Variants in TMEM164 observed in about 807,000 individuals in gnomAD.
TMEM164 encodes RP13-360B22.2.
TMEM164 carries 4 observed loss-of-function variants against 18.8 expected under a neutral mutation model. That is an observed-to-expected ratio of 0.21 (90% CI 0.10 to 0.49). The LOEUF is 0.49. Among genes scored for constraint, TMEM164 ranks in the 20% least tolerant of loss-of-function variants. The probability of loss-of-function intolerance (pLI) is 0.98; values close to 1 mark genes in which losing one functional copy is unlikely to be tolerated. For synonymous variants in TMEM164, 86 were observed against 101.7 expected (o/e 0.85, Z 0.93); for missense variants, 108 against 239.9 (o/e 0.45, Z 3.63).
At chrX:110,025,892 T>C (rs1934162789) in intron 2 of TMEM164, among the ~76,000 whole-genome samples, 1 of 112,515 alleles carries the variant, frequency 8.9e-6, no homozygotes, top group Non-Finnish European at 1.9e-5. Flanking sequence ...GACTTAGATC[T>C]GAGCTCAAAG....
intron 2 of TMEM164, among the ~76,000 whole-genome samples, chrX:110,053,964 C>T (rs143686017): frequency 1.8e-5 from 2 of 111,283 alleles, no homozygotes; most frequent in African/African-American, 3.3e-5. Flanking sequence ...TTTATATGTC[C>T]GATGGTGTGT....
intron 3 of TMEM164, among the ~76,000 whole-genome samples, chrX:110,099,134 C>T (rs1233137671): frequency 9.1e-6 from 1 of 109,672 alleles, no homozygotes; most frequent in Non-Finnish European, 1.9e-5. Context: ...TTTCAGGATT[C>T]TTTATATATT....
At chrX:110,160,092 G>A (rs1015944488) in intron 5 of TMEM164, among the ~76,000 whole-genome samples, 3 of 111,891 alleles carry the variant, frequency 2.7e-5, no homozygotes, top group Admixed American at 9.4e-5. Flanking sequence ...CACAACTCAG[G>A]AGTTCCCCTC....
At chrX:110,109,605 G>A (rs752646860) in intron 4 of TMEM164, among the ~76,000 whole-genome samples, 1 of 112,545 alleles carries the variant, frequency 8.9e-6, no homozygotes, top group Admixed American at 9.4e-5. Flanking sequence ...CAGCTTTCAG[G>A]TGTTCTAAGG....
At chrX:110,105,155 T>TCCTCTCTC (rs2066169330) in intron 3 of TMEM164, among the ~76,000 whole-genome samples, 4 of 75,573 alleles carry the variant, frequency 5.3e-5, no homozygotes, top group Non-Finnish European at 1.0e-4. Context: ...CTCTCTCCCT[T>TCCTCTCTC]CCTTCCTTCC....
intron 4 of TMEM164, among the ~76,000 whole-genome samples, chrX:110,130,339 C>T (rs2066595610): frequency 1.8e-5 from 2 of 111,946 alleles, no homozygotes; most frequent in Non-Finnish European, 3.8e-5. Context: ...TGCCCATTTT[C>T]ATCCTGGCTC....
intron 3 of TMEM164, among the ~76,000 whole-genome samples, chrX:110,086,206 T>A (rs746865353): frequency 1.4e-4 from 16 of 111,915 alleles, no homozygotes; most frequent in Non-Finnish European, 2.8e-4. Flanking sequence ...GGTATTTGAG[T>A]GGGAAATTGA....
intron 4 of TMEM164, among the ~76,000 whole-genome samples, chrX:110,138,797 ACACCCTGG>A (rs1195621919): frequency 8.9e-6 from 1 of 111,987 alleles, no homozygotes; most frequent in Non-Finnish European, 1.9e-5. Context: ...AATCTCTCTG[ACACCCTGG>A]CATGGGGTTG....
intron 3 of TMEM164, among the ~76,000 whole-genome samples, chrX:110,095,896 C>T (rs1238724866): frequency 8.9e-6 from 1 of 112,365 alleles, no homozygotes; most frequent in Non-Finnish European, 1.9e-5. Context: ...TGTCAGTTTT[C>T]CTTCTAACAG....
intron 3 of TMEM164, among the ~76,000 whole-genome samples, chrX:110,097,274 A>T (rs1166547844): frequency 8.9e-6 from 1 of 112,391 alleles, no homozygotes; most frequent in East Asian, 2.8e-4. Flanking sequence ...GCCCAGCCAG[A>T]TCTTTTGTTT....
At chrX:110,147,307 T>A (rs1197845107) in intron 5 of TMEM164, among the ~76,000 whole-genome samples, 1 of 112,440 alleles carries the variant, frequency 8.9e-6, no homozygotes, top group Non-Finnish European at 1.9e-5. Flanking sequence ...TTTTATTAGA[T>A]ACTGACAAAT....
Position 110,116,849 on chromosome X carries a change from TGTGC to T in TMEM164, c.507+7705_507+7708del, listed in dbSNP as rs1485434840. Among the ~76,000 whole-genome samples the T allele has an allele frequency of 2.5e-4, 26 of 103,483 alleles. 1 individual carries two copies. The highest frequency in any genetic ancestry group is 8.5e-4 in the African/African-American group (24 of 28,096). 89.9% of individuals were successfully genotyped at this position (103,483 alleles called of 115,157 possible). A position where few individuals can be genotyped will look rare whatever the true frequency, so the allele number is the denominator to read the frequency against. ...GTGTGTGTGTGTGTGTGTGTGTGTG[TGTGC>T]GCGTGTGCGTGTGTGTGTGTGTGGT... On this transcript the variant is annotated intron_variant, in intron 4 of 6. Coordinates refer to ENST00000372068, the MANE Select transcript of TMEM164 (RefSeq NM_032227.4).
At chrX:110,152,160 A>T (rs2066951605) in intron 5 of TMEM164, among the ~76,000 whole-genome samples, 1 of 104,916 alleles carries the variant, frequency 9.5e-6, no homozygotes, top group Non-Finnish European at 1.9e-5. Context: ...GGTTCAAGCG[A>T]TTCTCCTGCC....
chrX:110,024,207 A>G (rs1319336188), intron 2 of TMEM164, among the ~76,000 whole-genome samples: 1 of 112,426 alleles, frequency 8.9e-6, no homozygotes, highest in East Asian at 2.8e-4. Flanking sequence ...TTGTGAATTT[A>G]TAATGAAACA....
rs1012632436 is a variant in TMEM164, at chrX:110,112,125, T to C, written c.507+2979T>C. Among the ~76,000 whole-genome samples, 5 of 110,515 alleles carry C rather than the reference T, an allele frequency of 4.5e-5. No individual in the cohort carries two copies. The Admixed American group carries it at 4.8e-4, about 11-fold the overall frequency. On this transcript the variant is annotated intron_variant, in intron 4 of 6. Coordinates refer to ENST00000372068, the MANE Select transcript of TMEM164 (RefSeq NM_032227.4). ...TTGGGAGGTGGAGGCAAGCAGATCA[T>C]GAGGTCAGGAGATTGAGGGCAGCAT...
At position 110,102,855 on chromosome X, in the gene TMEM164, T is replaced by C. The variant is rs184081638; in HGVS notation, c.441-6225T>C. Among the ~76,000 whole-genome samples, 22 of 112,537 alleles carry C rather than the reference T, an allele frequency of 2.0e-4. No individual in the cohort carries two copies. In the East Asian group the frequency reaches 5.9e-3, roughly 30 times the overall value. On this transcript the variant is annotated intron_variant, in intron 3 of 6. Coordinates refer to ENST00000372068, the MANE Select transcript of TMEM164 (RefSeq NM_032227.4). ...CTTAACCATTTTACTACATTTCCTC[T>C]AGTTATTTCACTTCTTGCCTTCTCA...
chrX:110,109,168 T>C (rs377697826), intron 4 of TMEM164, 22 bp downstream of exon 4: 1 of 1,180,517 alleles, frequency 8.5e-7, no homozygotes, highest in African/African-American at 1.7e-5. Flanking sequence ...CTTCTAGGAA[T>C]GTAACAGCAA....
chrX:110,090,151 T>C (rs1005734635), intron 3 of TMEM164, among the ~76,000 whole-genome samples: 6 of 111,328 alleles, frequency 5.4e-5, no homozygotes, highest in African/African-American at 2.0e-4. Context: ...GTCTCTGTGG[T>C]TGTGCGGCCC....
chrX:110,168,021 G>C (rs770401528), intron 5 of TMEM164, among the ~76,000 whole-genome samples: 2 of 112,035 alleles, frequency 1.8e-5, no homozygotes, highest in South Asian at 7.5e-4. Flanking sequence ...CAACACCCAC[G>C]GGCTTTCCTG....
Sources: gnomAD v4.1 joint callset for allele counts (sites outside exome capture counted in the v4.1 genomes callset) on GRCh38, gnomAD v4.1.1 for gene constraint, MANE v1.5 for transcripts, NCBI Gene and HGNC (gene_info 2026-07-23, HGNC 2026-07-21) for gene names.